The following VPS53 variants were observed in gnomAD, a reference collection of about 807,000 sequenced individuals.
VPS53 encodes VPS53 subunit of GARP complex.
Under a neutral mutation model 107.0 loss-of-function variants are expected in VPS53, and 70 were observed. That is an observed-to-expected ratio of 0.65 (90% confidence interval 0.54 to 0.80). VPS53 has a LOEUF of 0.80. Ranked by LOEUF, VPS53 falls within the 30% of genes least tolerant of loss-of-function variation. VPS53 has a pLI of 0.00. For synonymous variants in VPS53, 409 were observed against 393.3 expected (o/e 1.04, Z -0.47); for missense variants, 917 against 1,049.4 (o/e 0.87, Z 1.74).
intron 13 of VPS53, 63 bp downstream of exon 13, chr17:586,207 G>A: frequency 6.6e-7 from 1 of 1,504,088 alleles, no homozygotes; most frequent in Non-Finnish European, 9.3e-7. Flanking sequence ...GCGCTCCTAA[G>A]ACCCAGTCAT....
At chr17:670,620 G>C (rs1282591802) in intron 4 of VPS53, among the ~76,000 whole-genome samples, 1 of 152,160 alleles carries the variant, frequency 6.6e-6, no homozygotes, top group Non-Finnish European at 1.5e-5. Flanking sequence ...CTTAAGAAAT[G>C]AGCATCCCTC....
At chr17:562,415 T>G (rs1913100163) in intron 14 of VPS53, 88 bp downstream of exon 14, 2 of 1,564,000 alleles carry the variant, frequency 1.3e-6, no homozygotes, top group Admixed American at 1.8e-5. Flanking sequence ...TCTTGGTGGT[T>G]TAGTAAACAA....
At chr17:656,806 C>A in intron 5 of VPS53, 17 of 1,543,480 alleles carry the variant, frequency 1.1e-5, no homozygotes, top group Non-Finnish European at 1.5e-5. Context: ...ACCCGCTGCT[C>A]TGTTTGGCCG....
At position 555,609 on chromosome 17, in the gene VPS53, A is replaced by G. The variant is rs541199111; in HGVS notation, c.1705-2147T>C. On this transcript the variant is annotated intron_variant, in intron 15 of 21. Transcript: ENST00000437048. ...CTCGGCCTCCCAAAGTGCTGGGATT[A>G]CAGGCGTGAGCCCCTGCACTCGGCC... Among the ~76,000 whole-genome samples, 661 of 152,294 alleles carry G rather than the reference A, an allele frequency of 4.3e-3. 7 individuals are homozygous for G. Among genetic ancestry groups the G allele is most frequent in the African/African-American group, 0.015 (630 of 41,554 alleles).
At chr17:599,228 G>C (rs1436219070) in intron 12 of VPS53, among the ~76,000 whole-genome samples, 1 of 152,026 alleles carries the variant, frequency 6.6e-6, no homozygotes, top group Non-Finnish European at 1.5e-5. Context: ...CCTCTGCCCG[G>C]CCACCACCCT....
chr17:520,644 C>A lies in VPS53; in HGVS notation c.2224-714G>T. Among the ~76,000 whole-genome samples, 1 of 152,196 alleles carries A rather than the reference C, an allele frequency of 6.6e-6. No individual in the cohort carries two copies. Among genetic ancestry groups the A allele is most frequent in the East Asian group, 1.9e-4 (1 of 5,204 alleles). On this transcript the variant is annotated intron_variant, in intron 20 of 21. Transcript: ENST00000437048. This position sits in a 1 kb window ranked among gnomAD's most constrained non-coding sequence, Gnocchi z 4.4. ...CAGCCGACTGATTTGTTTTGAATTC[C>A]TGAGACTGAAGGGAAGAGTGGCGAG...
chr17:658,969 T>C (rs1033582228), intron 5 of VPS53, among the ~76,000 whole-genome samples: 3 of 152,048 alleles, frequency 2.0e-5, no homozygotes, highest in Non-Finnish European at 2.9e-5. Context: ...AAAAAGCCTC[T>C]TTCATGGGGA....
intron 11 of VPS53, among the ~76,000 whole-genome samples, chr17:603,071 A>C (rs1968399675): frequency 6.6e-6 from 1 of 152,214 alleles, no homozygotes; most frequent in African/African-American, 2.4e-5. Flanking sequence ...CTATAGCGTG[A>C]ATAACTTTGC....
intron 11 of VPS53, among the ~76,000 whole-genome samples, chr17:619,666 G>A (rs12453965): frequency 0.19 from 2,008 of 10,308 alleles, 145 homozygotes; most frequent in East Asian, 0.42. Context: ...GACTACAGGC[G>A]TGCACCACCA....
At chr17:611,470 C>T (rs1234179822) in intron 11 of VPS53, among the ~76,000 whole-genome samples, 1 of 152,230 alleles carries the variant, frequency 6.6e-6, no homozygotes, top group Non-Finnish European at 1.5e-5. Context: ...GAAACTGGAC[C>T]CTCCTACATT....
At chr17:536,993 C>T in intron 18 of VPS53, 35 bp downstream of exon 18, 1 of 1,609,768 alleles carries the variant, frequency 6.2e-7, no homozygotes, top group Admixed American at 1.7e-5. Context: ...TTAAAAAGAA[C>T]AAGAACCCAG....
At chr17:664,462 A>C (rs117770487) in intron 4 of VPS53, among the ~76,000 whole-genome samples, 3,475 of 152,302 alleles carry the variant, frequency 0.023, 64 homozygotes, top group Non-Finnish European at 0.033. Context: ...GAGGTCCGAA[A>C]AGACAGACAG....
At chr17:636,454 T>G (rs1473839064) in intron 7 of VPS53, among the ~76,000 whole-genome samples, 6 of 152,232 alleles carry the variant, frequency 3.9e-5, no homozygotes, top group African/African-American at 1.4e-4. Context: ...CAACACTATG[T>G]TGAATAGGAA....
rs60694412 is a variant in VPS53, at chr17:618,746, C to T, written c.1116+4787G>A. Among the ~76,000 whole-genome samples, 131 of 151,700 alleles carry T rather than the reference C, an allele frequency of 8.6e-4. 1 individual carries two copies. The South Asian group carries it at 0.026, about 30-fold the overall frequency. On this transcript the variant is annotated intron_variant, in intron 11 of 21. Transcript: ENST00000437048. ...GGGTAGCTGGGACTACAGGCGTGCA[C>T]CACCATGCCCCGCTAATATTTCCCG...
chr17:647,781 G>A (rs927114935), intron 7 of VPS53, among the ~76,000 whole-genome samples: 2 of 152,136 alleles, frequency 1.3e-5, no homozygotes, highest in African/African-American at 4.8e-5. Flanking sequence ...CGGAGCGTCA[G>A]AAATAATAAA....
intron 7 of VPS53, among the ~76,000 whole-genome samples, chr17:640,753 C>T (rs147827027): frequency 1.3e-4 from 20 of 151,906 alleles, no homozygotes; most frequent in East Asian, 3.9e-4. Flanking sequence ...ACCCATCTTA[C>T]GGTGCTAACT....
chr17:537,236 CT>C, intron 17 of VPS53, 60 bp from the exon 18 acceptor site: 1 of 1,583,362 alleles, frequency 6.3e-7, no homozygotes, highest in East Asian at 2.3e-5. Flanking sequence ...TCGCCTGTTA[CT>C]GGGGAAGGGA....
At chr17:572,535 G>C (rs2151867423) in intron 13 of VPS53, among the ~76,000 whole-genome samples, 1 of 152,154 alleles carries the variant, frequency 6.6e-6, no homozygotes, top group East Asian at 1.9e-4. Context: ...GTGTGCCCAA[G>C]AGCTTATTGA....
intron 7 of VPS53, among the ~76,000 whole-genome samples, chr17:632,323 G>C (rs1257614534): frequency 6.6e-6 from 1 of 152,044 alleles, no homozygotes; most frequent in African/African-American, 2.4e-5. Context: ...CTACTCCTTG[G>C]AGTACAGAAT....
Sources: gnomAD v4.1 joint callset for allele counts (sites outside exome capture counted in the v4.1 genomes callset) on GRCh38, gnomAD v4.1.1 for gene constraint, Gnocchi (gnomAD v3.1) non-coding constraint, MANE v1.5 for transcripts, NCBI Gene and HGNC (gene_info 2026-07-23, HGNC 2026-07-21) for gene names.